TMEM74: variants seen among roughly 807,000 people sequenced by gnomAD.
TMEM74 encodes transmembrane protein 74.
In TMEM74, 13 loss-of-function variants were observed where a neutral mutation model predicts 18.1. The ratio of observed to expected loss-of-function variants is 0.72; its 90% confidence interval spans 0.47 to 1.14. The LOEUF (loss-of-function observed/expected upper bound fraction) is 1.14. Among genes scored for constraint, TMEM74 ranks in the 50% most tolerant of loss-of-function variants. The probability of loss-of-function intolerance (pLI) is 0.00; values close to 1 mark genes in which losing one functional copy is unlikely to be tolerated. For missense variants in TMEM74, 372 were observed against 375.9 expected (o/e 0.99, Z 0.09); for synonymous variants, 159 against 146.6 (o/e 1.08, Z -0.61).
At chr8:108,628,866 C>T (rs1812522221) in intron 2 of TMEM74, among the ~76,000 whole-genome samples, 1 of 152,078 alleles carries the variant, frequency 6.6e-6, no homozygotes, top group East Asian at 1.9e-4. Context: ...TTTTGATTTG[C>T]ATTTCTCTAA....
chr8:108,674,263 G>A (rs1813031768), intron 1 of TMEM74, among the ~76,000 whole-genome samples: 1 of 152,120 alleles, frequency 6.6e-6, no homozygotes, highest in South Asian at 2.1e-4. Flanking sequence ...TATTGTTGGT[G>A]CTTCATAAGT....
intron 1 of TMEM74, among the ~76,000 whole-genome samples, chr8:108,723,910 C>T (rs752982422): frequency 1.5e-4 from 23 of 152,230 alleles, no homozygotes; most frequent in Admixed American, 5.2e-4. Flanking sequence ...CTAAAGTAAA[C>T]GAAGGTGCTC....
chr8:108,746,644 G>T (rs1331147626), intron 1 of TMEM74, among the ~76,000 whole-genome samples: 1 of 152,076 alleles, frequency 6.6e-6, no homozygotes, highest in Non-Finnish European at 1.5e-5. Flanking sequence ...GGTGGCTAGG[G>T]ACTCCTAAAT....
At chr8:108,740,505 G>C (rs1301748638) in intron 1 of TMEM74, among the ~76,000 whole-genome samples, 1 of 152,190 alleles carries the variant, frequency 6.6e-6, no homozygotes, top group Non-Finnish European at 1.5e-5. Context: ...ATTGCACTTT[G>C]CTTTATAGTG....
chr8:108,649,908 C>G (rs905490914), intron 2 of TMEM74, among the ~76,000 whole-genome samples: 5 of 152,096 alleles, frequency 3.3e-5, no homozygotes, highest in Non-Finnish European at 5.9e-5. Flanking sequence ...ATTATTTTGC[C>G]TCGGCTTTCA....
At chr8:108,739,731 C>T (rs1813780913) in intron 1 of TMEM74, among the ~76,000 whole-genome samples, 1 of 151,954 alleles carries the variant, frequency 6.6e-6, no homozygotes, top group East Asian at 1.9e-4. Flanking sequence ...TTTTTCTTTT[C>T]CATATCTGGT....
At chr8:108,707,196 G>A (rs1354572859) in intron 1 of TMEM74, among the ~76,000 whole-genome samples, 2 of 115,032 alleles carry the variant, frequency 1.7e-5, no homozygotes, top group African/African-American at 6.6e-5. Flanking sequence ...GGGGTGGGGG[G>A]TAGGGGGAGG....
intron 1 of TMEM74, among the ~76,000 whole-genome samples, chr8:108,665,265 A>G (rs74508953): frequency 0.038 from 5,715 of 152,272 alleles, 348 homozygotes; most frequent in African/African-American, 0.13. Context: ...ACAGACAGTA[A>G]CTGGTCCAGC....
At chr8:108,671,583 G>A (rs191859368) in intron 1 of TMEM74, among the ~76,000 whole-genome samples, 93 of 152,184 alleles carry the variant, frequency 6.1e-4, no homozygotes, top group Admixed American at 1.1e-3. Flanking sequence ...CCTGTTTTCC[G>A]TGGCATGGTG....
At chr8:108,682,292 C>T (rs1414458000) in intron 1 of TMEM74, among the ~76,000 whole-genome samples, 1 of 152,084 alleles carries the variant, frequency 6.6e-6, no homozygotes, top group Non-Finnish European at 1.5e-5. Context: ...CCCCACTATG[C>T]TGCCTTCACT....
chr8:108,739,078 G>A (rs776845589), intron 1 of TMEM74, among the ~76,000 whole-genome samples: 2 of 152,102 alleles, frequency 1.3e-5, no homozygotes, highest in Non-Finnish European at 2.9e-5. Context: ...AAGAAAGAAG[G>A]CAAGAAAATT....
chr8:108,669,540 A>T (rs565938988), intron 1 of TMEM74, among the ~76,000 whole-genome samples: 5 of 152,216 alleles, frequency 3.3e-5, no homozygotes, highest in Non-Finnish European at 7.3e-5. Context: ...AGTGGAAATA[A>T]CTGGTGACTC....
intron 1 of TMEM74, among the ~76,000 whole-genome samples, chr8:108,713,822 C>T (rs1180584419): frequency 2.0e-5 from 3 of 152,192 alleles, no homozygotes; most frequent in Non-Finnish European, 4.4e-5. Flanking sequence ...CTGAAAACAT[C>T]AAACTCAGTC....
intron 1 of TMEM74, among the ~76,000 whole-genome samples, chr8:108,734,656 CT>C (rs1039541387): frequency 3.9e-5 from 6 of 151,950 alleles, no homozygotes; most frequent in African/African-American, 1.4e-4. Flanking sequence ...GTAACTTTTT[CT>C]TGTTATTCAA....
intron 2 of TMEM74, chr8:108,652,306 G>C: frequency 6.1e-6 from 1 of 162,974 alleles, no homozygotes; most frequent in East Asian, 1.8e-4. Flanking sequence ...TCCTGACACG[G>C]AAAAATACTG....
chr8:108,787,505 A>C lies in TMEM74; in HGVS notation c.-69T>G, dbSNP rs1200727580. ...TGCTTCGGCCACCCGGTGCGGCTCC[A>C]GCACCGCGCGCTCTCCCGGCACGGT... On this transcript the variant is annotated 5_prime_UTR_variant, in exon 1 of 2. Transcript: ENST00000297459. 1 of 152,708 alleles carries C rather than the reference A, an allele frequency of 6.5e-6. No homozygotes were observed. The allele number at this position is 152,708 out of a possible 1,614,324, so 9.5% of individuals were successfully genotyped here.
chr8:108,633,370 G>C (rs902819364), intron 2 of TMEM74, among the ~76,000 whole-genome samples: 4 of 151,948 alleles, frequency 2.6e-5, no homozygotes, highest in African/African-American at 7.2e-5. Context: ...TTCCCTCTCT[G>C]ATTAGGCTAA....
intron 1 of TMEM74, among the ~76,000 whole-genome samples, chr8:108,768,607 G>C (rs563954814): frequency 6.6e-6 from 1 of 152,100 alleles, no homozygotes; most frequent in Non-Finnish European, 1.5e-5. Context: ...TCACACCCGC[G>C]TTTCCCTCCC....
chr8:108,630,898 C>T (rs1812544272), intron 2 of TMEM74, among the ~76,000 whole-genome samples: 1 of 151,892 alleles, frequency 6.6e-6, no homozygotes, highest in Non-Finnish European at 1.5e-5. Context: ...ATGAGTCTAC[C>T]CCAGCAGTTC....
Sources: allele counts gnomAD v4.1 joint callset (sites outside exome capture counted in the v4.1 genomes callset), GRCh38; gene constraint gnomAD v4.1.1; transcripts MANE v1.5; gene names NCBI Gene and HGNC (gene_info 2026-07-23, HGNC 2026-07-21).